VWDE: variants seen among roughly 807,000 people sequenced by gnomAD.
VWDE encodes the protein von Willebrand factor D and EGF domain-containing protein.
Under a neutral mutation model 178.4 loss-of-function variants are expected in VWDE, and 207 were observed. The ratio of observed to expected loss-of-function variants is 1.16; its 90% CI spans 1.04 to 1.30. The LOEUF is 1.30. Among genes scored for constraint, VWDE ranks in the 50% most tolerant of loss-of-function variants. VWDE has a pLI of 0.00. For missense variants in VWDE, 2,287 were observed against 1,901.3 expected, an observed-to-expected ratio of 1.20 and a Z score of -3.77; for synonymous variants, 738 against 651.4, an observed-to-expected ratio of 1.13 and a Z score of -2.02.
rs1484005592 is a variant in VWDE, at chr7:12,373,235, A to G, written c.1329T>C (p.Asn443=). The G allele has an allele frequency of 2.6e-6, 4 of 1,550,898 alleles. No homozygotes were observed. The highest frequency in any genetic ancestry group is 3.5e-6 in the Non-Finnish European group (4 of 1,146,692). ...AAAGCACAAATGTTCCAGTCTTGAA[A>G]TTATCATATACCCTATCATTAACAA... The part of the protein sequence containing the change: ...IITFDGRVYD[N]FKTGTFVLYK... The change falls in exon 10 of 29, where the codon AAT becomes AAC. Residue 443 remains asparagine (N), a synonymous_variant. Coordinates refer to ENST00000275358, the MANE Select transcript of VWDE (RefSeq NM_001135924.3).
chr7:12,361,200 C>CAT lies in VWDE; in HGVS notation c.3104_3105dup (p.Asp1036MetfsTer18), dbSNP rs763267423. ...AGACCACAAACTTGGCAAGCACCAT[C>CAT]ATATATGACCGTTATTTTGGGATTA... On this transcript the variant is annotated frameshift_variant, in exon 15 of 29. Coordinates refer to ENST00000275358, the MANE Select transcript of VWDE (RefSeq NM_001135924.3). LOFTEE classifies it high-confidence loss of function. The CAT allele has an allele frequency of 1.3e-6, 2 of 1,548,108 alleles. No individual in the cohort carries two copies. The highest frequency in any genetic ancestry group is 2.4e-5 in the South Asian group (2 of 83,882).
intron 6 of VWDE, among the ~76,000 whole-genome samples, chr7:12,378,389 C>T (rs1258966126): frequency 2.0e-5 from 3 of 152,186 alleles, no homozygotes; most frequent in Non-Finnish European, 4.4e-5. Context: ...AATATCTCCA[C>T]ACTTAGCTTA....
Position 12,336,136 on chromosome 7 carries a change from C to G in VWDE, c.4654+5G>C, listed in dbSNP as rs965156022. The G allele has an allele frequency of 3.0e-5, 46 of 1,549,096 alleles. No individual in the cohort carries two copies. The highest frequency in any genetic ancestry group is 2.2e-4 in the East Asian group (9 of 40,774). ...TATAGTAGGAAAAACATCCTGTGGG[C>G]TTACGTATTTGACACCGCACTCCTT... On this transcript the variant is annotated splice_donor_5th_base_variant and intron_variant, in intron 27 of 28. Transcript: ENST00000275358.
chr7:12,343,466 C>T (rs2128547250), intron 21 of VWDE, among the ~76,000 whole-genome samples: 1 of 152,248 alleles, frequency 6.6e-6, no homozygotes, highest in East Asian at 1.9e-4. Context: ...TTATTCCTGC[C>T]TTACAAATAG....
chr7:12,335,714 C>T (rs958585168), intron 27 of VWDE, among the ~76,000 whole-genome samples: 1 of 152,170 alleles, frequency 6.6e-6, no homozygotes, highest in South Asian at 2.1e-4. Flanking sequence ...CTTGGCCTCC[C>T]AAAGTGCTGG....
At position 12,361,214 on chromosome 7, in the gene VWDE, AT is replaced by A; in HGVS notation, c.3091del (p.Ile1031Ter). Reference sequence around the variant, plus strand: ...GCAAGCACCATCATATATGACCGTTATTTTGGGATTACTGAATTTATAACCA... The same window carrying A: ...GCAAGCACCATCATATATGACCGTTATTTGGGATTACTGAATTTATAACCA... ...NDGYKFSNPK[I>X]TVIYDGACQV... On this transcript the variant is annotated frameshift_variant, in exon 15 of 29. Coordinates refer to ENST00000275358, the MANE Select transcript of VWDE (RefSeq NM_001135924.3). LOFTEE classifies it high-confidence loss of function. 2 of 1,548,076 alleles carry A rather than the reference AT, an allele frequency of 1.3e-6. No individual in the cohort carries two copies. Among genetic ancestry groups the A allele is most frequent in the Non-Finnish European group, 1.7e-6 (2 of 1,144,144 alleles).
intron 1 of VWDE, 25 bp from the exon 2 acceptor site, chr7:12,393,803 T>A (rs1164958598): frequency 2.0e-5 from 30 of 1,510,304 alleles, no homozygotes; most frequent in Non-Finnish European, 2.7e-5. Flanking sequence ...CAGGTGTTTT[T>A]ATGTAATGTG....
intron 13 of VWDE, among the ~76,000 whole-genome samples, chr7:12,366,433 T>C (rs759071051): frequency 1.9e-3 from 291 of 152,272 alleles, no homozygotes; most frequent in Non-Finnish European, 1.3e-3. Flanking sequence ...TGATGTCATA[T>C]GATTTATTCT....
chr7:12,370,909 T>C (rs1562496177), intron 10 of VWDE, 45 bp from the exon 11 acceptor site: 1 of 1,365,458 alleles, frequency 7.3e-7, no homozygotes, highest in Non-Finnish European at 9.7e-7. Context: ...GTTGAAGCAA[T>C]ATTCAACCTG....
chr7:12,372,963 A>G lies in VWDE; in HGVS notation c.1587+14T>C, dbSNP rs1446374188. 13 of 1,543,308 alleles carry G rather than the reference A, an allele frequency of 8.4e-6. No homozygotes were observed. Among genetic ancestry groups the G allele is most frequent in the Non-Finnish European group, 1.1e-5 (13 of 1,143,998 alleles). On this transcript the variant is annotated intron_variant, in intron 10 of 28. Transcript: ENST00000275358. Reference sequence around the variant, plus strand: ...AAAGGAAAAATACTTTCAATGTTAAAGAATCATACATACTGTGACTTTTCT... The same window carrying G: ...AAAGGAAAAATACTTTCAATGTTAAGGAATCATACATACTGTGACTTTTCT...
intron 2 of VWDE, among the ~76,000 whole-genome samples, chr7:12,392,189 T>C (rs186780628): frequency 6.6e-6 from 1 of 152,312 alleles, no homozygotes; most frequent in Non-Finnish European, 1.5e-5. Context: ...ATCTTTATAA[T>C]GAAGTAACAC....
At chr7:12,397,522 A>G (rs1402984126) in intron 1 of VWDE, among the ~76,000 whole-genome samples, 1 of 152,194 alleles carries the variant, frequency 6.6e-6, no homozygotes, top group Admixed American at 6.5e-5. Flanking sequence ...CAAAGAACTT[A>G]TGACTAAGTT....
intron 1 of VWDE, among the ~76,000 whole-genome samples, chr7:12,397,523 T>C (rs573520230): frequency 1.2e-4 from 18 of 152,250 alleles, no homozygotes; most frequent in African/African-American, 4.1e-4. Context: ...AAAGAACTTA[T>C]GACTAAGTTC....
intron 5 of VWDE, among the ~76,000 whole-genome samples, chr7:12,379,947 C>CTGGGTG (rs1783751299): frequency 6.6e-6 from 1 of 151,626 alleles, no homozygotes; most frequent in Non-Finnish European, 1.5e-5. Flanking sequence ...CAAAAATTAG[C>CTGGGTG]TGCGTGTGGG....
Position 12,352,022 on chromosome 7 carries a change from G to A in VWDE, c.3746-309C>T, listed in dbSNP as rs189827086. The stretch of plus-strand genomic sequence containing the variant: ...AATCCAATAGGACTGGTGTGCTCAC[G>A]AAAACAGGAAGAGATACCACACATG... On this transcript the variant is annotated intron_variant, in intron 18 of 28. Coordinates refer to ENST00000275358, the MANE Select transcript of VWDE (RefSeq NM_001135924.3). 1.3e-4 allele frequency among the ~76,000 whole-genome samples: 20 copies of A among 152,192 alleles called. No individual in the cohort carries two copies. In the East Asian group the frequency reaches 3.7e-3, roughly 28 times the overall value.
chr7:12,364,618 A>C (rs1782761981), intron 13 of VWDE, among the ~76,000 whole-genome samples: 1 of 152,142 alleles, frequency 6.6e-6, no homozygotes, highest in Admixed American at 6.6e-5. Flanking sequence ...TGAATAAATA[A>C]ATTGGAAACA....
intron 4 of VWDE, among the ~76,000 whole-genome samples, chr7:12,382,183 G>GT (rs1174419142): frequency 1.3e-5 from 2 of 151,272 alleles, no homozygotes; most frequent in Admixed American, 6.6e-5. Flanking sequence ...GCATAGCAGA[G>GT]TTTTTTTTAA....
rs549870092 is a variant in VWDE at position 12,403,748 on chromosome 7, G to C, written c.-32C>G. ...TTCCGCAGGTGGGGCGAAAGGCGTC[G>C]CAGAGCCCGGGCCGCGGGTGCCAGG... On this transcript the variant is annotated 5_prime_UTR_variant, in exon 1 of 29. Coordinates refer to ENST00000275358, the MANE Select transcript of VWDE (RefSeq NM_001135924.3). The C allele has an allele frequency of 6.5e-7, 1 of 1,549,098 alleles. No homozygotes were observed. The highest frequency in any genetic ancestry group is 1.4e-5 in the African/African-American group (1 of 73,136).
intron 3 of VWDE, among the ~76,000 whole-genome samples, chr7:12,386,683 C>T (rs1391126615): frequency 6.6e-6 from 1 of 152,206 alleles, no homozygotes. Flanking sequence ...CAGCTCTCAG[C>T]ATCAGTGCCC....
Sources: gnomAD v4.1 joint callset for allele counts (sites outside exome capture counted in the v4.1 genomes callset) on GRCh38, gnomAD v4.1.1 for gene constraint, MANE v1.5 for transcripts, NCBI Gene and HGNC (gene_info 2026-07-23, HGNC 2026-07-21) for gene names.